Variants in ROBO2 observed in about 807,000 individuals in gnomAD.
ROBO2 encodes roundabout homolog 2.
Under a neutral mutation model 160.8 loss-of-function variants are expected in ROBO2, and 53 were observed. That is an observed-to-expected ratio of 0.33 (90% CI 0.26 to 0.41). The LOEUF (loss-of-function observed/expected upper bound fraction) is 0.41, where lower values mean the gene tolerates loss of function less well. Among genes scored for constraint, ROBO2 ranks in the 10% least tolerant of loss-of-function variants. The pLI, the probability that ROBO2 is intolerant of heterozygous loss-of-function variation, is 1.00. For synonymous variants in ROBO2, 664 were observed against 611.7 expected, an observed-to-expected ratio of 1.09 and a Z score of -1.26; for missense variants, 1,577 against 1,722.4, an observed-to-expected ratio of 0.92 and a Z score of 1.49.
chr3:76,048,216 C>A (rs186504717), intron 2 of ROBO2, among the ~76,000 whole-genome samples: 54 of 152,314 alleles, frequency 3.5e-4, no homozygotes, highest in Admixed American at 3.1e-3. Flanking sequence ...GTTGCATTCA[C>A]ATCTCTTAAC....
At chr3:77,481,524 C>T (rs917215674) in intron 4 of ROBO2, among the ~76,000 whole-genome samples, 3 of 152,242 alleles carry the variant, frequency 2.0e-5, no homozygotes, top group African/African-American at 4.8e-5. Flanking sequence ...GTTTATCACT[C>T]ATTCAACTCT....
intron 2 of ROBO2, among the ~76,000 whole-genome samples, chr3:76,988,167 A>T (rs1391906577): frequency 6.6e-6 from 1 of 152,140 alleles, no homozygotes; most frequent in Non-Finnish European, 1.5e-5. Context: ...TAATCAGTTG[A>T]TGTACTCATT....
intron 2 of ROBO2, among the ~76,000 whole-genome samples, chr3:76,797,063 A>T (rs1014292519): frequency 9.9e-5 from 15 of 152,146 alleles, no homozygotes; most frequent in African/African-American, 3.4e-4. Context: ...CAACAAAAAA[A>T]CATTGGATCT....
chr3:76,406,917 T>A (rs1207501916), intron 2 of ROBO2, among the ~76,000 whole-genome samples: 1 of 151,864 alleles, frequency 6.6e-6, no homozygotes, highest in African/African-American at 2.4e-5. Flanking sequence ...TCCAATGGAT[T>A]TTCATTACAC....
intron 2 of ROBO2, among the ~76,000 whole-genome samples, chr3:76,619,213 G>A (rs952417197): frequency 1.3e-5 from 2 of 151,502 alleles, no homozygotes; most frequent in African/African-American, 2.4e-5. Context: ...GGTAGCGGGC[G>A]CCTGTAGTCC....
intron 2 of ROBO2, among the ~76,000 whole-genome samples, chr3:76,996,433 G>C (rs1371522699): frequency 6.6e-6 from 1 of 152,056 alleles, no homozygotes; most frequent in Non-Finnish European, 1.5e-5. Flanking sequence ...TTGGCAATGT[G>C]GGCTCTTTTT....
intron 2 of ROBO2, among the ~76,000 whole-genome samples, chr3:76,388,667 C>G (rs2077007820): frequency 1.3e-5 from 2 of 151,946 alleles, no homozygotes; most frequent in African/African-American, 2.4e-5. Flanking sequence ...TCAGAATGTG[C>G]CTTACATTTT....
intron 2 of ROBO2, among the ~76,000 whole-genome samples, chr3:76,636,619 C>G (rs1426543389): frequency 6.6e-6 from 1 of 152,066 alleles, no homozygotes; most frequent in African/African-American, 2.4e-5. Flanking sequence ...GGGTGCAAGT[C>G]TTTGGAAGCA....
chr3:75,933,638 G>T (rs967976256), intron 1 of ROBO2, among the ~76,000 whole-genome samples: 3 of 152,008 alleles, frequency 2.0e-5, no homozygotes, highest in African/African-American at 7.2e-5. Flanking sequence ...TACAGAAGTG[G>T]ACTTTATTTA....
intron 2 of ROBO2, among the ~76,000 whole-genome samples, chr3:76,087,818 G>A (rs915068699): frequency 6.6e-6 from 1 of 151,956 alleles, no homozygotes; most frequent in Admixed American, 6.6e-5. Flanking sequence ...AGGCAGTAAA[G>A]CATTGTTTTA....
chr3:77,545,507 CT>C (rs1397248910), intron 6 of ROBO2, among the ~76,000 whole-genome samples: 2 of 152,078 alleles, frequency 1.3e-5, no homozygotes, highest in African/African-American at 4.8e-5. Context: ...CCACTGTGGT[CT>C]GAGATTACCT....
At chr3:76,008,539 T>C (rs1396631621) in intron 2 of ROBO2, among the ~76,000 whole-genome samples, 3 of 152,200 alleles carry the variant, frequency 2.0e-5, no homozygotes, top group African/African-American at 7.2e-5. Flanking sequence ...CTTTCTATGA[T>C]GGCAAATAAA....
chr3:76,843,725 T>C (rs1335019043), intron 2 of ROBO2, among the ~76,000 whole-genome samples: 1 of 151,972 alleles, frequency 6.6e-6, no homozygotes. Flanking sequence ...TCACCAGAAT[T>C]GCAGAATTCA....
At chr3:76,837,593 C>T (rs1187861094) in intron 2 of ROBO2, among the ~76,000 whole-genome samples, 1 of 150,026 alleles carries the variant, frequency 6.7e-6, no homozygotes, top group Non-Finnish European at 1.5e-5. Flanking sequence ...CTCTTGGATT[C>T]ACAATGTGAC....
intron 2 of ROBO2, among the ~76,000 whole-genome samples, chr3:77,423,650 T>A (rs564602945): frequency 3.3e-4 from 51 of 152,306 alleles, no homozygotes; most frequent in Middle Eastern, 6.8e-3. Flanking sequence ...CCTGGAACAC[T>A]ATATGTGCCC....
intron 2 of ROBO2, among the ~76,000 whole-genome samples, chr3:76,032,177 G>C (rs2066944900): frequency 6.6e-6 from 1 of 152,144 alleles, no homozygotes; most frequent in East Asian, 1.9e-4. Context: ...ATGGTAGTTT[G>C]TATTTCTGTG....
intron 2 of ROBO2, among the ~76,000 whole-genome samples, chr3:76,853,926 C>G (rs1359794246): frequency 6.6e-6 from 1 of 152,000 alleles, no homozygotes; most frequent in Middle Eastern, 3.4e-3. Context: ...TATATTCACC[C>G]AAGGCCCCTA....
intron 2 of ROBO2, among the ~76,000 whole-genome samples, chr3:77,250,876 G>A (rs142754172): frequency 1.9e-4 from 29 of 152,254 alleles, no homozygotes; most frequent in Non-Finnish European, 2.4e-4. Context: ...TCATGAGGGC[G>A]GAGTCTTCAT....
At chr3:76,807,724 C>G (rs2064843129) in intron 2 of ROBO2, among the ~76,000 whole-genome samples, 1 of 151,940 alleles carries the variant, frequency 6.6e-6, no homozygotes, top group Non-Finnish European at 1.5e-5. Flanking sequence ...TTTAAAGTCT[C>G]TGATATGCTT....
Sources: gnomAD v4.1 joint callset for allele counts (sites outside exome capture counted in the v4.1 genomes callset) on GRCh38, gnomAD v4.1.1 for gene constraint, MANE v1.5 for transcripts, NCBI Gene and HGNC (gene_info 2026-07-23, HGNC 2026-07-21) for gene names.